The following SMYD3 variants were observed in gnomAD, a reference collection of about 807,000 sequenced individuals.
SMYD3 encodes SET and MYND domain containing 3.
Under a neutral mutation model 57.7 loss-of-function variants are expected in SMYD3, and 36 were observed. The observed-to-expected ratio is 0.62, with a 90% CI of 0.48 to 0.82. The LOEUF is 0.82. Ranked by LOEUF, SMYD3 falls within the 40% of genes least tolerant of loss-of-function variation. The pLI, the probability that SMYD3 is intolerant of heterozygous loss-of-function variation, is 0.00. For synonymous variants in SMYD3, 211 were observed against 195.0 expected (o/e 1.08, Z -0.68); for missense variants, 515 against 538.8 (o/e 0.96, Z 0.44).
At chr1:246,122,596 T>A (rs950777099) in intron 5 of SMYD3, among the ~76,000 whole-genome samples, 1 of 152,244 alleles carries the variant, frequency 6.6e-6, no homozygotes, top group African/African-American at 2.4e-5. Flanking sequence ...ATATCCCTAG[T>A]TGCCAAGTAA....
intron 10 of SMYD3, among the ~76,000 whole-genome samples, chr1:245,781,554 C>T (rs907818201): frequency 1.3e-5 from 2 of 152,164 alleles, no homozygotes; most frequent in African/African-American, 2.4e-5. Context: ...GCAAGTAACC[C>T]CATTTCCATC....
At chr1:245,787,468 A>T (rs557102671) in intron 10 of SMYD3, among the ~76,000 whole-genome samples, 187 of 152,228 alleles carry the variant, frequency 1.2e-3, no homozygotes, top group African/African-American at 4.3e-3. Flanking sequence ...AGTTCTGACA[A>T]GTTTTCTCTT....
chr1:246,505,287 C>A (rs1401665153), intron 1 of SMYD3, among the ~76,000 whole-genome samples: 1 of 117,988 alleles, frequency 8.5e-6, no homozygotes, highest in East Asian at 2.0e-4. Context: ...AATACCGTCT[C>A]AACCTCCCTC....
At chr1:246,360,265 G>A (rs956211730) in intron 1 of SMYD3, among the ~76,000 whole-genome samples, 10 of 152,068 alleles carry the variant, frequency 6.6e-5, no homozygotes, top group African/African-American at 2.2e-4. Context: ...ACCTAACTAA[G>A]GAGGTGAAGA....
At chr1:245,883,332 T>C (rs1176642586) in intron 8 of SMYD3, among the ~76,000 whole-genome samples, 2 of 152,192 alleles carry the variant, frequency 1.3e-5, no homozygotes, top group African/African-American at 4.8e-5. Context: ...AGACATACTC[T>C]AAATAAACTT....
intron 10 of SMYD3, among the ~76,000 whole-genome samples, chr1:245,818,147 G>A (rs1417333337): frequency 2.0e-5 from 3 of 152,274 alleles, no homozygotes; most frequent in Admixed American, 1.3e-4. Context: ...CAGCCAGAGA[G>A]AAAGATCGGG....
intron 7 of SMYD3, among the ~76,000 whole-genome samples, chr1:245,917,809 G>A (rs2055556689): frequency 6.6e-6 from 1 of 152,136 alleles, no homozygotes; most frequent in Admixed American, 6.5e-5. Context: ...GAGAAGTGAA[G>A]ACTTTGGCAG....
At chr1:246,221,822 G>A (rs534547971) in intron 5 of SMYD3, among the ~76,000 whole-genome samples, 9 of 152,252 alleles carry the variant, frequency 5.9e-5, no homozygotes, top group South Asian at 4.1e-4. Flanking sequence ...TGAGCTGAGC[G>A]CAGCCTGCCA....
At chr1:246,079,562 A>G (rs548553585) in intron 5 of SMYD3, among the ~76,000 whole-genome samples, 1 of 152,294 alleles carries the variant, frequency 6.6e-6, no homozygotes, top group South Asian at 2.1e-4. Context: ...CGCATAGTTC[A>G]CACTCATGGG....
intron 5 of SMYD3, among the ~76,000 whole-genome samples, chr1:246,195,015 G>A (rs2062809666): frequency 6.6e-6 from 1 of 152,170 alleles, no homozygotes; most frequent in South Asian, 2.1e-4. Context: ...TTGGCCTACT[G>A]AGAGCTCCAG....
At chr1:246,403,951 T>G (rs915193) in intron 1 of SMYD3, among the ~76,000 whole-genome samples, 3 of 152,188 alleles carry the variant, frequency 2.0e-5, no homozygotes, top group Admixed American at 1.3e-4. Flanking sequence ...AAGGGTCTCA[T>G]GGAAATTTAT....
chr1:245,759,280 A>AT (rs2045739049), intron 11 of SMYD3, among the ~76,000 whole-genome samples: 1 of 116,818 alleles, frequency 8.6e-6, no homozygotes, highest in Non-Finnish European at 1.7e-5. Flanking sequence ...ATTACGGGAC[A>AT]TCCTTCCGCA....
intron 5 of SMYD3, among the ~76,000 whole-genome samples, chr1:245,987,109 T>A (rs1165181973): frequency 6.6e-6 from 1 of 152,162 alleles, no homozygotes; most frequent in Admixed American, 6.5e-5. Flanking sequence ...ACTTTTATGA[T>A]GAAACCAACT....
At chr1:245,810,143 G>A (rs1558368552) in intron 10 of SMYD3, among the ~76,000 whole-genome samples, 1 of 152,196 alleles carries the variant, frequency 6.6e-6, no homozygotes, top group Non-Finnish European at 1.5e-5. Flanking sequence ...TACTCTGGGA[G>A]TCTACCACAA....
Position 246,180,263 on chromosome 1 carries a change from A to C in SMYD3, c.531+146938T>G, listed in dbSNP as rs146651771. ...ATATTAGAAAACATAATCTCTCTCT[A>C]TATATATGTGTATATATAAACTACT... On this transcript the variant is annotated intron_variant, in intron 5 of 11. Transcript: ENST00000490107. Among the ~76,000 whole-genome samples the C allele has an allele frequency of 4.2e-3, 611 of 147,200 alleles. 7 individuals carry two copies. Among genetic ancestry groups the C allele is most frequent in the East Asian group, 0.013 (69 of 5,120 alleles).
chr1:245,966,881 T>TC (rs1340823447), intron 5 of SMYD3, among the ~76,000 whole-genome samples: 1 of 152,122 alleles, frequency 6.6e-6, no homozygotes, highest in Middle Eastern at 3.4e-3. Context: ...TATGAACCTA[T>TC]CCCCCCTCAG....
chr1:246,162,949 T>G (rs1218803802), intron 5 of SMYD3, among the ~76,000 whole-genome samples: 1 of 152,222 alleles, frequency 6.6e-6, no homozygotes, highest in Non-Finnish European at 1.5e-5. Flanking sequence ...ACATTTCTCT[T>G]ATTGTAGCTA....
chr1:245,930,150 C>G (rs1340581260), intron 5 of SMYD3: 1 of 544,938 alleles, frequency 1.8e-6, no homozygotes, highest in East Asian at 3.7e-5. Context: ...GCAGAAATAC[C>G]AACCTCCTGG....
At chr1:246,016,308 C>T (rs112732168) in intron 5 of SMYD3, among the ~76,000 whole-genome samples, 8,957 of 151,540 alleles carry the variant, frequency 0.059, 294 homozygotes, top group African/African-American at 0.068. Flanking sequence ...ACTGGCTGGG[C>T]GCGGTGGCTC....
Sources: gnomAD v4.1 joint callset for allele counts (sites outside exome capture counted in the v4.1 genomes callset) on GRCh38, gnomAD v4.1.1 for gene constraint, MANE v1.5 for transcripts, NCBI Gene and HGNC (gene_info 2026-07-23, HGNC 2026-07-21) for gene names.